The following GDF1 variants were observed in gnomAD, a reference collection of about 807,000 sequenced individuals.
GDF1 encodes embryonic growth/differentiation factor 1.
GDF1 carries 8 observed loss-of-function variants against 7.4 expected under a neutral mutation model. The observed-to-expected ratio is 1.09, with a 90% CI of 0.64 to 1.96. The LOEUF (loss-of-function observed/expected upper bound fraction) is 1.96. Among genes scored for constraint, GDF1 ranks in the 30% most tolerant of loss-of-function variants. GDF1 has a pLI of 0.00. For missense variants in GDF1, 574 were observed against 551.5 expected, an observed-to-expected ratio of 1.04 and a Z score of -0.41; for synonymous variants, 311 against 276.7, an observed-to-expected ratio of 1.12 and a Z score of -1.23.
chr19:18,880,327 ATGGTAGGAGCC>A lies in GDF1; in HGVS notation c.-635_-625del. ...AGTCTGCTGCCAAGGCATGCAGCCGATGGTAGGAGCCGCCGCGGGACTTGAAGTAAATGTTG... is the reference window on the plus strand; with the variant it reads ...AGTCTGCTGCCAAGGCATGCAGCCGAGCCGCGGGACTTGAAGTAAATGTTG... On this transcript the variant is annotated 5_prime_UTR_variant, in exon 4 of 8. It introduces an in-frame stop codon into an upstream open reading frame of the 5' UTR. Transcript: ENST00000247005. 6.4e-7 allele frequency: 1 copy of A among 1,554,776 alleles called. No individual in the cohort carries two copies. The highest frequency in any genetic ancestry group is 8.7e-7 in the Non-Finnish European group (1 of 1,149,298).
At chr19:18,888,965 C>G (rs955599840) in intron 2 of GDF1, among the ~76,000 whole-genome samples, 5 of 145,816 alleles carry the variant, frequency 3.4e-5, no homozygotes, top group Non-Finnish European at 1.5e-5. Flanking sequence ...GATCTCGACT[C>G]ACTGCAACCT....
In GDF1 at chr19:18,885,405, C is replaced by A. The variant is rs896362786; in HGVS notation, c.-913-1138G>T. 1.3e-4 allele frequency among the ~76,000 whole-genome samples: 19 copies of A among 151,878 alleles called. 1 individual carries two copies. Among genetic ancestry groups the A allele is most frequent in the Admixed American group, 1.2e-3 (19 of 15,222 alleles). ...TTAATTTTTGTGTTGCCATGTTGCCCAGGGTGATCTCGAACTCCTGGGCTC... is the reference window on the plus strand; with the variant it reads ...TTAATTTTTGTGTTGCCATGTTGCCAAGGGTGATCTCGAACTCCTGGGCTC... On this transcript the variant is annotated intron_variant, in intron 2 of 7. Coordinates refer to ENST00000247005, the MANE Select transcript of GDF1 (RefSeq NM_001492.6).
chr19:18,889,024 T>C (rs994067717), intron 2 of GDF1, among the ~76,000 whole-genome samples: 1 of 150,890 alleles, frequency 6.6e-6, no homozygotes, highest in African/African-American at 2.4e-5. Context: ...GCCGAGTAAC[T>C]GGGATTACAG....
rs192197023 is a variant in GDF1 at position 18,890,898 on chromosome 19, C to T, written c.-914+2518G>A. 4.0e-3 allele frequency among the ~76,000 whole-genome samples: 588 copies of T among 148,172 alleles called. 5 individuals carry two copies. The highest frequency in any genetic ancestry group is 0.014 in the African/African-American group (566 of 40,208). Reference sequence around the variant, plus strand: ...TGACACTTTGGGAGGCTGAGGCGGGCGGATCACCTGAGGTCAGGAGTTTGA... The same window carrying T: ...TGACACTTTGGGAGGCTGAGGCGGGTGGATCACCTGAGGTCAGGAGTTTGA... On this transcript the variant is annotated intron_variant, in intron 2 of 7. Transcript: ENST00000247005.
chr19:18,895,570 G>T lies in GDF1; in HGVS notation c.-1074+254C>A, dbSNP rs1431658598. On this transcript the variant is annotated intron_variant, in intron 1 of 7. Coordinates refer to ENST00000247005, the MANE Select transcript of GDF1 (RefSeq NM_001492.6). The surrounding 1 kb of genome is among the most constrained non-coding windows in gnomAD (Gnocchi z 6.4). ...CCATGTCCCAGACTCACCCCAGCCC[G>T]GCCACACCCCCGCATCTACCCGGTT... 6.7e-6 allele frequency among the ~76,000 whole-genome samples: 1 copy of T among 150,198 alleles called. No individual in the cohort carries two copies. Among genetic ancestry groups the T allele is most frequent in the Admixed American group, 6.6e-5 (1 of 15,108 alleles).
chr19:18,870,415 G>A lies in GDF1; in HGVS notation c.-108C>T. The stretch of plus-strand genomic sequence containing the variant: ...CGGAGGGGCAGGGGTCCTGGGGGGC[G>A]TGGCCGGGAACTGGAGGCAGGATGA... On this transcript the variant is annotated 5_prime_UTR_variant, in exon 7 of 8. In the 5' UTR this introduces an upstream ATG that the reference lacks. Transcript: ENST00000247005. This position sits in a 1 kb window ranked among gnomAD's most constrained non-coding sequence, Gnocchi z 5.1. The A allele has an allele frequency of 2.4e-6, 3 of 1,263,730 alleles. No homozygotes were observed. Among genetic ancestry groups the A allele is most frequent in the Non-Finnish European group, 3.3e-6 (3 of 909,966 alleles). The allele number at this position is 1,263,730 out of a possible 1,614,324, so 78.3% of individuals were successfully genotyped here.
chr19:18,868,558 G>A lies in GDF1; in HGVS notation c.*39C>T, dbSNP rs2055894575. 4 of 1,466,498 alleles carry A rather than the reference G, an allele frequency of 2.7e-6. No individual in the cohort carries two copies. The highest frequency in any genetic ancestry group is 1.2e-5 in the South Asian group (1 of 82,434). The allele number at this position is 1,466,498 out of a possible 1,614,324, so 90.8% of individuals were successfully genotyped here. The stretch of plus-strand genomic sequence containing the variant: ...AGGAGACCAGCGGAGCAGACCACGC[G>A]GCATTTATTGTTGGGCCCGCGTCCC... On this transcript the variant is annotated 3_prime_UTR_variant, in exon 8 of 8. Coordinates refer to ENST00000247005, the MANE Select transcript of GDF1 (RefSeq NM_001492.6).
chr19:18,891,708 G>A (rs2056495139), intron 2 of GDF1, among the ~76,000 whole-genome samples: 2 of 151,862 alleles, frequency 1.3e-5, no homozygotes, highest in Non-Finnish European at 2.9e-5. Flanking sequence ...CTCCCAAGTA[G>A]CTGGTACTAC....
Position 18,895,845 on chromosome 19 carries a change from C to T in GDF1, c.-1095G>A. 1 of 1,293,892 alleles carries T rather than the reference C, an allele frequency of 7.7e-7. No individual in the cohort carries two copies. The highest frequency in any genetic ancestry group is 9.8e-7 in the Non-Finnish European group (1 of 1,020,246). The allele number at this position is 1,293,892 out of a possible 1,614,324, so 80.2% of individuals were successfully genotyped here. A position where few individuals can be genotyped will look rare whatever the true frequency, so the allele number is the denominator to read the frequency against. On this transcript the variant is annotated 5_prime_UTR_variant, in exon 1 of 8. Coordinates refer to ENST00000247005, the MANE Select transcript of GDF1 (RefSeq NM_001492.6). This position sits in a 1 kb window ranked among gnomAD's most constrained non-coding sequence, Gnocchi z 6.4. ...TGACCCGAAAGAGGCGCGCAGTGGC[C>T]GCGGAGCGCAGGGCGGTCCAGCCCA...
chr19:18,888,889 C>CTTTTTTTT (rs756124590), intron 2 of GDF1, among the ~76,000 whole-genome samples: 36 of 122,886 alleles, frequency 2.9e-4, no homozygotes, highest in Non-Finnish European at 4.1e-4. Context: ...TTCTTTCTTT[C>CTTTTTTTT]TTTTTTTTTT....
Position 18,882,452 on chromosome 19 carries a change from G to A in GDF1, c.-733+1635C>T, listed in dbSNP as rs1447027367. Among the ~76,000 whole-genome samples the A allele has an allele frequency of 4.6e-5, 7 of 151,648 alleles. No individual in the cohort carries two copies. The East Asian group carries it at 1.0e-3, about 22-fold the overall frequency. ...GTTCGAGTCCAGCCTGGCCAACATG[G>A]TGAAACCCCATCTCTACTAAAAATA... On this transcript the variant is annotated intron_variant, in intron 3 of 7. Coordinates refer to ENST00000247005, the MANE Select transcript of GDF1 (RefSeq NM_001492.6).
chr19:18,877,114 C>T (rs2056073103), intron 6 of GDF1, among the ~76,000 whole-genome samples: 1 of 152,240 alleles, frequency 6.6e-6, no homozygotes, highest in Non-Finnish European at 1.5e-5. Context: ...GAATCGAATT[C>T]TGCTGGTGGT....
rs563619681 is a variant in GDF1, at chr19:18,878,881, G to A, written c.-313+49C>T. ...GGCCTGCCCACGAACACGCTTGGAC[G>A]GGTGACACTAAAGGAGGGAACGCGG... On this transcript the variant is annotated intron_variant, in intron 6 of 7. Transcript: ENST00000247005. The surrounding 1 kb of genome is among the most constrained non-coding windows in gnomAD (Gnocchi z 4.6). 58 of 1,599,702 alleles carry A rather than the reference G, an allele frequency of 3.6e-5. No homozygotes were observed. Among genetic ancestry groups the A allele is most frequent in the Admixed American group, 3.4e-4 (20 of 58,278 alleles).
rs565782580 is a variant in GDF1, at chr19:18,890,895, G to A, written c.-914+2521C>T. On this transcript the variant is annotated intron_variant, in intron 2 of 7. Transcript: ENST00000247005. ...TCCTGACACTTTGGGAGGCTGAGGC[G>A]GGCGGATCACCTGAGGTCAGGAGTT... Among the ~76,000 whole-genome samples, 21 of 151,946 alleles carry A rather than the reference G, an allele frequency of 1.4e-4. 1 individual carries two copies. The South Asian group carries it at 4.4e-3, about 32-fold the overall frequency.
intron 6 of GDF1, among the ~76,000 whole-genome samples, chr19:18,871,094 C>CT (rs760333836): frequency 0.011 from 1,643 of 145,098 alleles, 24 homozygotes; most frequent in African/African-American, 0.034. Context: ...TTTTATTTTC[C>CT]TTTTTTTTTT....
chr19:18,887,265 A>T (rs2056384542), intron 2 of GDF1, among the ~76,000 whole-genome samples: 1 of 152,224 alleles, frequency 6.6e-6, no homozygotes. Flanking sequence ...AAGGTCACAC[A>T]GTGTGAGACT....
At position 18,868,886 on chromosome 19, in the gene GDF1, C is replaced by G. The variant is rs1355088234; in HGVS notation, c.830G>C (p.Arg277Pro). Residue 277 changes from arginine to proline, a missense_variant, in exon 8 of 8, where the codon CGC becomes CCC. Transcript: ENST00000247005. ...CRARRLYVSF[R>P]EVGWHRWVIA... ...GACCCAGCGGTGCCAGCCCACCTCGCGGAAGCTCACGTACAGCCGCCGCGC... is the reference window on the plus strand; with the variant it reads ...GACCCAGCGGTGCCAGCCCACCTCGGGGAAGCTCACGTACAGCCGCCGCGC... The G allele has an allele frequency of 7.0e-7, 1 of 1,429,622 alleles. No individual in the cohort carries two copies. The highest frequency in any genetic ancestry group is 2.2e-5 in the Admixed American group (1 of 45,516). 88.6% of individuals were successfully genotyped at this position (1,429,622 alleles called of 1,614,324 possible).
Position 18,878,603 on chromosome 19 carries a change from ACTC to A in GDF1, c.-313+324_-313+326del, listed in dbSNP as rs2056109843. ...TCGTCATCCAGGCTGGCCAGCAACT[ACTC>A]CTCACCACCCACAGGGCCCTGGCTC... On this transcript the variant is annotated intron_variant, in intron 6 of 7. Transcript: ENST00000247005. The surrounding 1 kb of genome is among the most constrained non-coding windows in gnomAD (Gnocchi z 4.6). 1 of 1,132,592 alleles carries A rather than the reference ACTC, an allele frequency of 8.8e-7. No individual in the cohort carries two copies. Among genetic ancestry groups the A allele is most frequent in the Non-Finnish European group, 1.1e-6 (1 of 918,434 alleles). The allele number at this position is 1,132,592 out of a possible 1,614,324, so 70.2% of individuals were successfully genotyped here. A position where few individuals can be genotyped will look rare whatever the true frequency, so the allele number is the denominator to read the frequency against.
At chr19:18,874,326 C>T (rs899277946) in intron 6 of GDF1, among the ~76,000 whole-genome samples, 1 of 152,154 alleles carries the variant, frequency 6.6e-6, no homozygotes, top group Non-Finnish European at 1.5e-5. Context: ...TTTTTTGAGA[C>T]AGGGTCTTGC....
Sources: gnomAD v4.1 joint callset for allele counts (sites outside exome capture counted in the v4.1 genomes callset) on GRCh38, gnomAD v4.1.1 for gene constraint, Gnocchi (gnomAD v3.1) non-coding constraint, MANE v1.5 for transcripts, NCBI Gene and HGNC (gene_info 2026-07-23, HGNC 2026-07-21) for gene names.